Variants in GAN observed in about 807,000 individuals in gnomAD.
GAN encodes epididymis secretory sperm binding protein.
A neutral mutation model predicts 71.3 loss-of-function variants in GAN; 48 were observed. The observed-to-expected ratio is 0.67, with a 90% CI of 0.53 to 0.86. The LOEUF is 0.86. Among genes scored for constraint, GAN ranks in the 40% least tolerant of loss-of-function variants. The probability of loss-of-function intolerance (pLI) is 0.00; values close to 1 mark genes in which losing one functional copy is unlikely to be tolerated. For synonymous variants in GAN, 386 were observed against 276.8 expected, an observed-to-expected ratio of 1.39 and a Z score of -3.92; for missense variants, 928 against 770.1, an observed-to-expected ratio of 1.21 and a Z score of -2.43.
chr16:81,345,966 C>G (rs540127182), intron 1 of GAN, among the ~76,000 whole-genome samples: 1 of 152,270 alleles, frequency 6.6e-6, no homozygotes, highest in African/African-American at 2.4e-5. Context: ...GGTTCGTGCT[C>G]CTATGAGAAT....
Position 81,379,237 on chromosome 16 carries a change from G to A in GAN, c.*1641G>A, listed in dbSNP as rs977875678. 2 of 152,070 alleles carry A rather than the reference G, an allele frequency of 1.3e-5. No individual in the cohort carries two copies. Among genetic ancestry groups the A allele is most frequent in the Non-Finnish European group, 2.9e-5 (2 of 68,008 alleles). 9.4% of individuals were successfully genotyped at this position (152,070 alleles called of 1,614,324 possible). ...CTCCCACCCATAGACATAAAAAAGG[G>A]TGACCTGTGATTTTTTTTCTTATAC... On this transcript the variant is annotated 3_prime_UTR_variant, in exon 11 of 11. Transcript: ENST00000648994.
At chr16:81,369,800 G>C (rs1325526100) in intron 9 of GAN, among the ~76,000 whole-genome samples, 2 of 152,186 alleles carry the variant, frequency 1.3e-5, no homozygotes, top group Non-Finnish European at 2.9e-5. Context: ...TCGATCTCCT[G>C]ACCTCTTGAT....
At chr16:81,357,999 A>G in intron 5 of GAN, 68 bp downstream of exon 5, 5 of 1,300,002 alleles carry the variant, frequency 3.8e-6, no homozygotes, top group Non-Finnish European at 5.6e-6. Context: ...GGTTTTACAG[A>G]ATGACTCAGA....
intron 1 of GAN, among the ~76,000 whole-genome samples, chr16:81,334,412 T>C (rs1377345534): frequency 6.6e-6 from 1 of 152,178 alleles, no homozygotes; most frequent in Non-Finnish European, 1.5e-5. Context: ...ACCCTTGATT[T>C]TCCTGAAACC....
At chr16:81,343,384 C>T (rs574072919) in intron 1 of GAN, among the ~76,000 whole-genome samples, 2 of 152,206 alleles carry the variant, frequency 1.3e-5, no homozygotes, top group Non-Finnish European at 2.9e-5. Context: ...TACTGGCAAG[C>T]CGAATCCAGC....
chr16:81,338,970 C>T (rs186496468), intron 1 of GAN, among the ~76,000 whole-genome samples: 116 of 152,322 alleles, frequency 7.6e-4, no homozygotes, highest in African/African-American at 2.7e-3. Context: ...TGCCCATGAT[C>T]ATAGAAGCTC....
chr16:81,366,539 C>A (rs1277121421), intron 9 of GAN, among the ~76,000 whole-genome samples: 1 of 152,178 alleles, frequency 6.6e-6, no homozygotes, highest in Non-Finnish European at 1.5e-5. Context: ...AAGAGGGTGC[C>A]ATAACATAAT....
chr16:81,333,987 G>A (rs1227975984), intron 1 of GAN, among the ~76,000 whole-genome samples: 1 of 152,098 alleles, frequency 6.6e-6, no homozygotes, highest in Non-Finnish European at 1.5e-5. Flanking sequence ...CTGCCTTCCC[G>A]TTTCATTTGT....
intron 1 of GAN, among the ~76,000 whole-genome samples, chr16:81,330,071 C>T (rs974490801): frequency 3.9e-5 from 6 of 152,178 alleles, no homozygotes; most frequent in Admixed American, 3.3e-4. Context: ...TCGTTTCTAC[C>T]TCTCAGATCT....
chr16:81,324,741 T>C (rs1163924137), intron 1 of GAN, among the ~76,000 whole-genome samples: 1 of 152,144 alleles, frequency 6.6e-6, no homozygotes, highest in African/African-American at 2.4e-5. Context: ...GATAGAGAGT[T>C]TAGGCTTTAT....
At chr16:81,355,399 A>C (rs1910453177) in intron 3 of GAN, among the ~76,000 whole-genome samples, 1 of 152,200 alleles carries the variant, frequency 6.6e-6, no homozygotes, top group African/African-American at 2.4e-5. Context: ...TCTGTCTCCC[A>C]GGCTGAAGGG....
intron 1 of GAN, among the ~76,000 whole-genome samples, chr16:81,330,252 C>T (rs183402652): frequency 2.0e-3 from 296 of 151,236 alleles, no homozygotes; most frequent in African/African-American, 6.8e-3. Flanking sequence ...AGAATGTAAT[C>T]GGATAATGTT....
At chr16:81,321,161 A>T (rs547306223) in intron 1 of GAN, among the ~76,000 whole-genome samples, 5 of 152,346 alleles carry the variant, frequency 3.3e-5, no homozygotes, top group African/African-American at 1.2e-4. Context: ...TAGATGTTCT[A>T]ATTCTGGAGA....
intron 1 of GAN, among the ~76,000 whole-genome samples, chr16:81,341,139 C>T (rs1291715457): frequency 6.6e-6 from 1 of 151,924 alleles, no homozygotes; most frequent in African/African-American, 2.4e-5. Context: ...AAATATGGGA[C>T]TATGTGAAAA....
intron 2 of GAN, 29 bp downstream of exon 2, chr16:81,351,726 C>A: frequency 9.9e-7 from 1 of 1,011,254 alleles, no homozygotes. Flanking sequence ...GAAGGAAGAC[C>A]TAAGTAGAGG....
chr16:81,329,019 C>A (rs1909482869), intron 1 of GAN, among the ~76,000 whole-genome samples: 1 of 152,116 alleles, frequency 6.6e-6, no homozygotes, highest in African/African-American at 2.4e-5. Flanking sequence ...GGCGTAAAAT[C>A]TTTTAACTCT....
chr16:81,336,101 C>G (rs1909751673), intron 1 of GAN, among the ~76,000 whole-genome samples: 1 of 152,160 alleles, frequency 6.6e-6, no homozygotes. Flanking sequence ...CAGGACAAAT[C>G]CTGTAGGAAG....
intron 1 of GAN, among the ~76,000 whole-genome samples, chr16:81,334,296 C>T (rs1294077781): frequency 1.3e-5 from 2 of 152,276 alleles, no homozygotes; most frequent in South Asian, 4.1e-4. Context: ...AGGACTGTGG[C>T]TGTGGCCTCC....
chr16:81,343,373 A>T (rs1350151407), intron 1 of GAN, among the ~76,000 whole-genome samples: 2 of 152,254 alleles, frequency 1.3e-5, no homozygotes, highest in Non-Finnish European at 2.9e-5. Context: ...CCTCAATAAA[A>T]TACTGGCAAG....
Sources: allele counts gnomAD v4.1 joint callset (sites outside exome capture counted in the v4.1 genomes callset), GRCh38; gene constraint gnomAD v4.1.1; transcripts MANE v1.5; gene names NCBI Gene and HGNC (gene_info 2026-07-23, HGNC 2026-07-21).